The following SYNPR variants were observed in gnomAD, a reference collection of about 807,000 sequenced individuals.
SYNPR encodes the protein synaptoporin.
In SYNPR, 23 loss-of-function variants were observed where a neutral mutation model predicts 32.9. The observed-to-expected ratio is 0.70, with a 90% confidence interval of 0.50 to 0.99. The LOEUF (loss-of-function observed/expected upper bound fraction) is 0.99. Ranked by LOEUF, SYNPR falls within the 50% of genes least tolerant of loss-of-function variation. The pLI is 0.00. For synonymous variants in SYNPR, 146 were observed against 135.9 expected, an observed-to-expected ratio of 1.07 and a Z score of -0.52; for missense variants, 318 against 349.3, an observed-to-expected ratio of 0.91 and a Z score of 0.71.
intron 2 of SYNPR, among the ~76,000 whole-genome samples, chr3:63,279,815 T>C (rs936990281): frequency 1.3e-5 from 2 of 152,202 alleles, no homozygotes; most frequent in African/African-American, 2.4e-5. Context: ...TACAAGATAA[T>C]TACATTTACC....
intron 2 of SYNPR, among the ~76,000 whole-genome samples, chr3:63,434,022 A>C (rs140283331): frequency 6.6e-6 from 1 of 152,150 alleles, no homozygotes. Flanking sequence ...GAGTGCTTTC[A>C]GATGGAATCT....
At chr3:63,569,075 T>C (rs1702842016) in intron 4 of SYNPR, among the ~76,000 whole-genome samples, 1 of 152,196 alleles carries the variant, frequency 6.6e-6, no homozygotes, top group Non-Finnish European at 1.5e-5. Context: ...GTAACTCTAC[T>C]AGTATTTTTA....
intron 3 of SYNPR, among the ~76,000 whole-genome samples, chr3:63,499,983 T>G (rs1223140069): frequency 6.6e-6 from 1 of 152,138 alleles, no homozygotes; most frequent in African/African-American, 2.4e-5. Flanking sequence ...TTATTTGCCA[T>G]TGGGATTAAA....
intron 2 of SYNPR, among the ~76,000 whole-genome samples, chr3:63,389,735 G>A (rs2088107181): frequency 6.6e-6 from 1 of 152,152 alleles, no homozygotes; most frequent in African/African-American, 2.4e-5. Context: ...AAGAACACCT[G>A]GCATGTACTA....
At chr3:63,233,465 C>G (rs894670558) in intron 1 of SYNPR, among the ~76,000 whole-genome samples, 2 of 152,200 alleles carry the variant, frequency 1.3e-5, no homozygotes, top group African/African-American at 4.8e-5. Flanking sequence ...AGCCAACAGG[C>G]CTTGATACTC....
chr3:63,557,361 C>T (rs1256605730), intron 4 of SYNPR, among the ~76,000 whole-genome samples: 5 of 152,088 alleles, frequency 3.3e-5, no homozygotes, highest in Non-Finnish European at 7.4e-5. Context: ...TCTATCTTCC[C>T]GAGAATGCCC....
At chr3:63,481,875 T>G (rs889854901) in intron 3 of SYNPR, among the ~76,000 whole-genome samples, 8 of 152,110 alleles carry the variant, frequency 5.3e-5, no homozygotes, top group African/African-American at 1.9e-4. Flanking sequence ...GGGGCTGGGA[T>G]GCTTGGTAAC....
At chr3:63,551,541 CAAACATG>C (rs932662192) in intron 3 of SYNPR, among the ~76,000 whole-genome samples, 1 of 152,196 alleles carries the variant, frequency 6.6e-6, no homozygotes, top group African/African-American at 2.4e-5. Context: ...TTCTCCCCAG[CAAACATG>C]AAAGTTCCAA....
intron 4 of SYNPR, among the ~76,000 whole-genome samples, chr3:63,575,469 T>G (rs1323927903): frequency 6.6e-6 from 1 of 152,060 alleles, no homozygotes; most frequent in Non-Finnish European, 1.5e-5. Context: ...TCTCCCTGCT[T>G]AGGAACCAAT....
intron 2 of SYNPR, among the ~76,000 whole-genome samples, chr3:63,337,965 A>G (rs892884173): frequency 1.3e-5 from 2 of 152,148 alleles, no homozygotes; most frequent in Admixed American, 6.6e-5. Context: ...CATTTGACAA[A>G]TGAACCATGC....
At chr3:63,503,091 C>A (rs1353537878) in intron 3 of SYNPR, among the ~76,000 whole-genome samples, 1 of 152,102 alleles carries the variant, frequency 6.6e-6, no homozygotes, top group Non-Finnish European at 1.5e-5. Flanking sequence ...GCATTCCCAC[C>A]AGAAATAAAC....
chr3:63,340,132 A>T (rs988792813), intron 2 of SYNPR, among the ~76,000 whole-genome samples: 2 of 152,134 alleles, frequency 1.3e-5, no homozygotes, highest in Admixed American at 1.3e-4. Flanking sequence ...TTTCCTTCAG[A>T]TCTATCCAAG....
intron 1 of SYNPR, among the ~76,000 whole-genome samples, chr3:63,244,971 G>A (rs1293990315): frequency 1.3e-5 from 2 of 152,014 alleles, no homozygotes; most frequent in Admixed American, 1.3e-4. Context: ...ATAAAAACAG[G>A]AGCTCGGAAA....
At chr3:63,445,499 A>C in intron 2 of SYNPR, 1 of 690,722 alleles carries the variant, frequency 1.4e-6, no homozygotes, top group Non-Finnish European at 2.6e-6. Context: ...GAAAACAATA[A>C]AGGGATTTTT....
At chr3:63,478,136 T>C (rs1446955756) in intron 2 of SYNPR, among the ~76,000 whole-genome samples, 1 of 152,200 alleles carries the variant, frequency 6.6e-6, no homozygotes, top group Admixed American at 6.5e-5. Flanking sequence ...AATTGTGGTG[T>C]ATGTGGTTTC....
In SYNPR at chr3:63,549,215, T is replaced by C. The variant is rs115052818; in HGVS notation, c.210-7328T>C. ...TATCACTGCTGGGTACCTTGTACAA[T>C]GCCTAATTCACATACTTCAAGGTGG... On this transcript the variant is annotated intron_variant, in intron 3 of 5. Coordinates refer to ENST00000478300, the MANE Select transcript of SYNPR (RefSeq NM_001130003.2). 3.2e-3 allele frequency among the ~76,000 whole-genome samples: 489 copies of C among 152,312 alleles called. 3 individuals are homozygous for C. The highest frequency in any genetic ancestry group is 0.011 in the African/African-American group (464 of 41,574).
intron 3 of SYNPR, among the ~76,000 whole-genome samples, chr3:63,530,280 A>C (rs942012065): frequency 2.0e-5 from 3 of 152,164 alleles, no homozygotes; most frequent in Non-Finnish European, 4.4e-5. Flanking sequence ...GTGAGGGGGC[A>C]CACCTAACCT....
At chr3:63,367,071 T>A (rs72881902) in intron 2 of SYNPR, among the ~76,000 whole-genome samples, 1 of 152,320 alleles carries the variant, frequency 6.6e-6, no homozygotes, top group African/African-American at 2.4e-5. Context: ...TGGGCATACC[T>A]GGAAATTCTA....
intron 2 of SYNPR, among the ~76,000 whole-genome samples, 161 bp downstream of exon 2, chr3:63,278,903 G>T (rs1048516673): frequency 1.3e-5 from 2 of 152,216 alleles, no homozygotes; most frequent in Non-Finnish European, 2.9e-5. Flanking sequence ...CCGTTCCAAG[G>T]TGGTGAGGAC....
Sources: gnomAD v4.1 joint callset for allele counts (sites outside exome capture counted in the v4.1 genomes callset) on GRCh38, gnomAD v4.1.1 for gene constraint, MANE v1.5 for transcripts, NCBI Gene and HGNC (gene_info 2026-07-23, HGNC 2026-07-21) for gene names.